NLGN1: variants seen among roughly 807,000 people sequenced by gnomAD.
NLGN1 encodes neuroligin 1.
Under a neutral mutation model 65.5 loss-of-function variants are expected in NLGN1, and 12 were observed. That is an observed-to-expected ratio of 0.18 (90% CI 0.12 to 0.30). The LOEUF (loss-of-function observed/expected upper bound fraction) is 0.30. Among genes scored for constraint, NLGN1 ranks in the 10% least tolerant of loss-of-function variants. The pLI, the probability that NLGN1 is intolerant of heterozygous loss-of-function variation, is 1.00. For synonymous variants in NLGN1, 350 were observed against 359.5 expected (o/e 0.97, Z 0.30); for missense variants, 750 against 1,007.1 (o/e 0.74, Z 3.46).
chr3:174,281,166 A>G, exon 7 of NLGN1: 1 of 1,613,274 alleles, frequency 6.2e-7, no homozygotes. Flanking sequence ...AATGACACCC[A>G]ACACCATTAC....
At chr3:173,678,592 G>C (rs114121792) in intron 3 of NLGN1, among the ~76,000 whole-genome samples, 1 of 152,026 alleles carries the variant, frequency 6.6e-6, no homozygotes. Flanking sequence ...GTTCGTTATG[G>C]CTATAGCGAC....
chr3:173,646,300 A>G (rs934477771), intron 3 of NLGN1, among the ~76,000 whole-genome samples: 6 of 152,220 alleles, frequency 3.9e-5, no homozygotes, highest in African/African-American at 1.4e-4. Flanking sequence ...ATTAATCACC[A>G]GTAGAAAGTA....
intron 4 of NLGN1, among the ~76,000 whole-genome samples, chr3:173,938,727 G>A (rs1745471430): frequency 6.6e-6 from 1 of 152,066 alleles, no homozygotes; most frequent in African/African-American, 2.4e-5. Context: ...CCAGATTAGA[G>A]GAGGCCCTTA....
chr3:173,809,662 T>C (rs940747008), intron 4 of NLGN1, among the ~76,000 whole-genome samples: 5 of 152,172 alleles, frequency 3.3e-5, no homozygotes, highest in Non-Finnish European at 5.9e-5. Context: ...TAAACTTTGT[T>C]GTTATGTTAA....
intron 4 of NLGN1, among the ~76,000 whole-genome samples, chr3:173,941,317 T>G (rs1378030402): frequency 6.6e-6 from 1 of 152,000 alleles, no homozygotes; most frequent in Non-Finnish European, 1.5e-5. Flanking sequence ...CAAAGGAAAT[T>G]ATGAATTAAT....
At chr3:173,970,942 T>C (rs961584052) in intron 4 of NLGN1, among the ~76,000 whole-genome samples, 9 of 152,170 alleles carry the variant, frequency 5.9e-5, no homozygotes, top group African/African-American at 1.2e-4. Flanking sequence ...TGGATTTTGG[T>C]GTTTTAGACG....
At chr3:174,164,076 C>T (rs1387994873) in intron 4 of NLGN1, among the ~76,000 whole-genome samples, 1 of 152,040 alleles carries the variant, frequency 6.6e-6, no homozygotes, top group Non-Finnish European at 1.5e-5. Context: ...CCCTTTTCTC[C>T]ACAGCCTCAT....
At chr3:173,928,735 G>A (rs1019019617) in intron 4 of NLGN1, among the ~76,000 whole-genome samples, 3 of 148,196 alleles carry the variant, frequency 2.0e-5, no homozygotes, top group African/African-American at 5.0e-5. Flanking sequence ...ACAATGGCAC[G>A]ATCTCGGCTC....
chr3:173,439,933 C>T (rs927275423), intron 2 of NLGN1, among the ~76,000 whole-genome samples: 2 of 152,118 alleles, frequency 1.3e-5, no homozygotes, highest in Non-Finnish European at 2.9e-5. Context: ...TCAGTTGATT[C>T]TTCCTTTTAG....
intron 4 of NLGN1, among the ~76,000 whole-genome samples, chr3:174,035,575 T>C (rs182477520): frequency 6.6e-6 from 1 of 152,306 alleles, no homozygotes; most frequent in East Asian, 1.9e-4. Context: ...ATGTGTTTGG[T>C]ATGTGCTTAG....
At chr3:174,266,656 C>CTAAT (rs1315681419) in intron 4 of NLGN1, among the ~76,000 whole-genome samples, 2 of 152,136 alleles carry the variant, frequency 1.3e-5, no homozygotes, top group Admixed American at 6.5e-5. Flanking sequence ...AGTAGCTGAA[C>CTAAT]TAATATCATT....
intron 3 of NLGN1, among the ~76,000 whole-genome samples, chr3:173,670,478 G>A (rs1762306613): frequency 6.6e-6 from 1 of 152,134 alleles, no homozygotes; most frequent in Admixed American, 6.5e-5. Context: ...GTGATGAGAT[G>A]AGAAATAGAA....
At chr3:174,009,880 T>C in intron 4 of NLGN1, among the ~76,000 whole-genome samples, 1 of 152,024 alleles carries the variant, frequency 6.6e-6, no homozygotes, top group East Asian at 1.9e-4. Flanking sequence ...AGAGAGCATT[T>C]ATAGCTTGAG....
At chr3:174,163,200 G>C (rs1355235740) in intron 4 of NLGN1, among the ~76,000 whole-genome samples, 3 of 151,910 alleles carry the variant, frequency 2.0e-5, no homozygotes, top group Admixed American at 6.6e-5. Flanking sequence ...AAGAATACGA[G>C]CATCAACCTT....
intron 3 of NLGN1, among the ~76,000 whole-genome samples, chr3:173,779,829 G>C (rs1780860273): frequency 6.6e-6 from 1 of 152,124 alleles, no homozygotes; most frequent in South Asian, 2.1e-4. Flanking sequence ...ATGAGTGGCA[G>C]AATATGGTGT....
chr3:173,797,236 G>A (rs1714294582), intron 3 of NLGN1, among the ~76,000 whole-genome samples: 1 of 152,144 alleles, frequency 6.6e-6, no homozygotes, highest in Admixed American at 6.6e-5. Flanking sequence ...TTTAGGCGTA[G>A]AGATAAAGGA....
intron 3 of NLGN1, among the ~76,000 whole-genome samples, chr3:173,770,396 T>A (rs1779404399): frequency 6.6e-6 from 1 of 152,210 alleles, no homozygotes; most frequent in Non-Finnish European, 1.5e-5. Context: ...AAATGATACA[T>A]CATAATTTCT....
chr3:173,496,721 T>C (rs1442201173), intron 2 of NLGN1, among the ~76,000 whole-genome samples: 1 of 151,796 alleles, frequency 6.6e-6, no homozygotes. Context: ...TATAGAAAAA[T>C]AGATGGATTT....
rs1179706466 is a variant in NLGN1, at chr3:174,275,211, G to C, written c.647-104G>C. 8 of 786,812 alleles carry C rather than the reference G, an allele frequency of 1.0e-5. No homozygotes were observed. The East Asian group carries it at 2.0e-4, about 20-fold the overall frequency. The allele number at this position is 786,812 out of a possible 1,614,324, so 48.7% of individuals were successfully genotyped here. A position where few individuals can be genotyped will look rare whatever the true frequency, so the allele number is the denominator to read the frequency against. ...AAAATAATTTTTACTAATGAACTTGGACTGTCCCTACCTTGATTAATACAG... is the reference window on the plus strand; with the variant it reads ...AAAATAATTTTTACTAATGAACTTGCACTGTCCCTACCTTGATTAATACAG... On this transcript the variant is annotated intron_variant, in intron 4 of 6. Transcript: ENST00000457714.
Sources: allele counts gnomAD v4.1 joint callset (sites outside exome capture counted in the v4.1 genomes callset), GRCh38; gene constraint gnomAD v4.1.1; transcripts MANE v1.5; gene names NCBI Gene and HGNC (gene_info 2026-07-23, HGNC 2026-07-21).